The following AGGF1 variants were observed in gnomAD, a reference collection of about 807,000 sequenced individuals.
AGGF1 encodes angiogenic factor with G patch and FHA domains 1.
A neutral mutation model predicts 86.5 loss-of-function variants in AGGF1; 56 were observed. That is an observed-to-expected ratio of 0.65 (90% CI 0.52 to 0.81). AGGF1 has a LOEUF of 0.81. Among genes scored for constraint, AGGF1 ranks in the 30% least tolerant of loss-of-function variants. The probability of loss-of-function intolerance (pLI) is 0.00; values close to 1 mark genes in which losing one functional copy is unlikely to be tolerated. For missense variants in AGGF1, 816 were observed against 850.9 expected, an observed-to-expected ratio of 0.96 and a Z score of 0.51; for synonymous variants, 313 against 297.1, an observed-to-expected ratio of 1.05 and a Z score of -0.55.
intron 2 of AGGF1, among the ~76,000 whole-genome samples, chr5:77,034,934 A>G (rs1296793969): frequency 1.3e-5 from 2 of 152,212 alleles, no homozygotes; most frequent in African/African-American, 4.8e-5. Flanking sequence ...GAATGGCATT[A>G]TGTTATAAGG....
intron 3 of AGGF1, chr5:77,036,203 T>C: frequency 3.6e-6 from 1 of 275,504 alleles, no homozygotes; most frequent in Non-Finnish European, 6.9e-6. Context: ...TTCATTTGTC[T>C]TTTTGAAATT....
intron 5 of AGGF1, among the ~76,000 whole-genome samples, chr5:77,043,407 G>A (rs1216568337): frequency 1.5e-5 from 1 of 68,564 alleles, no homozygotes; most frequent in East Asian, 5.2e-4. Context: ...CGGGCAGAGG[G>A]GCTCCTCACT....
chr5:77,058,220 T>C (rs1042066924), intron 11 of AGGF1, among the ~76,000 whole-genome samples: 1 of 152,182 alleles, frequency 6.6e-6, no homozygotes, highest in Admixed American at 6.5e-5. Context: ...AATAAAGTTG[T>C]TTTTTAAAAA....
At chr5:77,060,338 A>C (rs1168186529) in intron 12 of AGGF1, among the ~76,000 whole-genome samples, 1 of 152,208 alleles carries the variant, frequency 6.6e-6, no homozygotes, top group Non-Finnish European at 1.5e-5. Flanking sequence ...TATATGCTAG[A>C]TATCTAGAAG....
In AGGF1 at chr5:77,053,994, T is replaced by C. The variant is rs747775456; in HGVS notation, c.1497T>C (p.Leu499=). The C allele has an allele frequency of 1.2e-6, 2 of 1,614,216 alleles. No individual in the cohort carries two copies. Among genetic ancestry groups the C allele is most frequent in the East Asian group, 2.2e-5 (1 of 44,876 alleles). ...QPKTKCDPYV[L]EHGDEVKIGE... is the part of the protein sequence containing the mutation. ...AAACTAAATGTGACCCTTACGTACT[T>C]GAGCATGGAGATGAAGTCAAAATTG... Residue 499 remains leucine, a synonymous_variant, in exon 10 of 14, where the codon CTT becomes CTC. Coordinates refer to ENST00000312916, the MANE Select transcript of AGGF1 (RefSeq NM_018046.5).
chr5:77,042,445 C>A (rs1234151747), intron 5 of AGGF1, among the ~76,000 whole-genome samples: 1 of 81,134 alleles, frequency 1.2e-5, no homozygotes, highest in South Asian at 3.6e-4. Flanking sequence ...GGGGGGCTGA[C>A]CCCCCCCACC....
chr5:77,046,603 C>G lies in AGGF1; in HGVS notation c.1127C>G (p.Ser376Cys). 2 of 1,614,000 alleles carry G rather than the reference C, an allele frequency of 1.2e-6. No homozygotes were observed. Among genetic ancestry groups the G allele is most frequent in the East Asian group, 2.2e-5 (1 of 44,872 alleles). Residue 376 changes from serine (S) to cysteine (C), a missense_variant, in exon 6 of 14, where the codon TCT (serine) becomes TGT (cysteine). Physicochemically the swap from Ser to Cys is moderately radical, Grantham distance 112. Transcript: ENST00000312916. ...SEPEEGEITDSQTEDSYDEAI... is the reference protein window; with the variant it reads ...SEPEEGEITDCQTEDSYDEAI... ...CCAGAGGAAGGTGAAATTACAGACTCTCAGACTGAGGATAGTTATGACGAA... is the reference window on the plus strand; with the variant it reads ...CCAGAGGAAGGTGAAATTACAGACTGTCAGACTGAGGATAGTTATGACGAA...
chr5:77,046,054 G>A (rs1364126463), intron 5 of AGGF1, among the ~76,000 whole-genome samples: 1 of 152,212 alleles, frequency 6.6e-6, no homozygotes, highest in Non-Finnish European at 1.5e-5. Context: ...ATTGAGAATA[G>A]AGAGACAGAT....
chr5:77,049,645 G>C (rs1201802079), intron 8 of AGGF1, among the ~76,000 whole-genome samples: 1 of 151,016 alleles, frequency 6.6e-6, no homozygotes, highest in Non-Finnish European at 1.5e-5. Flanking sequence ...ATCTTCCCGG[G>C]TTCAAGCAAT....
intron 11 of AGGF1, among the ~76,000 whole-genome samples, chr5:77,056,491 G>T (rs1401681720): frequency 6.6e-6 from 1 of 151,458 alleles, no homozygotes; most frequent in Non-Finnish European, 1.5e-5. Flanking sequence ...GCCTCCCAAA[G>T]TGCTGGGATT....
chr5:77,053,869 A>G, intron 9 of AGGF1, 96 bp from the exon 10 acceptor site: 1 of 1,237,870 alleles, frequency 8.1e-7, no homozygotes, highest in Non-Finnish European at 1.2e-6. Flanking sequence ...TTTTAAATAT[A>G]TTTTAAAAAT....
chr5:77,054,604 T>G (rs1463990087), intron 10 of AGGF1, among the ~76,000 whole-genome samples: 1 of 152,200 alleles, frequency 6.6e-6, no homozygotes, highest in African/African-American at 2.4e-5. Flanking sequence ...CAAAAAATGA[T>G]AAGTACATGA....
rs1742731242 is a variant in AGGF1, at chr5:77,063,939, C to T, written c.*687C>T. On this transcript the variant is annotated 3_prime_UTR_variant, in exon 14 of 14. Transcript: ENST00000312916. ...ACTGAATACATATTGAAATAGTGTG[C>T]TGGCTTTTGTAGTTTTGATAAAGAC... The T allele has an allele frequency of 1.3e-5, 2 of 152,534 alleles. No homozygotes were observed. The highest frequency in any genetic ancestry group is 4.8e-5 in the African/African-American group (2 of 41,404). The allele number at this position is 152,534 out of a possible 1,614,324, so 9.4% of individuals were successfully genotyped here.
intron 1 of AGGF1, among the ~76,000 whole-genome samples, chr5:77,032,382 A>G (rs1023309189): frequency 1.3e-5 from 2 of 151,694 alleles, no homozygotes; most frequent in African/African-American, 2.4e-5. Flanking sequence ...CCTGGCTAAC[A>G]CAGTAAAACC....
chr5:77,050,790 T>C (rs913666921), intron 8 of AGGF1, among the ~76,000 whole-genome samples: 3 of 152,316 alleles, frequency 2.0e-5, no homozygotes, highest in Middle Eastern at 3.4e-3. Flanking sequence ...TTATTTATTT[T>C]TGAAAAGTTC....
At chr5:77,050,838 G>T (rs538385835) in intron 8 of AGGF1, among the ~76,000 whole-genome samples, 86 of 152,252 alleles carry the variant, frequency 5.6e-4, no homozygotes, top group Non-Finnish European at 1.1e-3. Context: ...TGTGACACCA[G>T]TAGATAAATG....
rs778663450 is a variant in AGGF1, at chr5:77,030,958, C to G, written c.192C>G (p.Asn64Lys). The G allele has an allele frequency of 1.2e-6, 2 of 1,612,298 alleles. No individual in the cohort carries two copies. Among genetic ancestry groups the G allele is most frequent in the Non-Finnish European group, 1.7e-6 (2 of 1,179,986 alleles). Residue 64 changes from asparagine (N) to lysine (K), a missense_variant, in exon 1 of 14, where the codon AAC (asparagine) becomes AAG (lysine). Transcript: ENST00000312916. ...ERLYQNAESNNQELRTQVEEL... is the reference protein window; with the variant it reads ...ERLYQNAESNKQELRTQVEEL... ...TGTACCAGAACGCAGAAAGCAACAA[C>G]CAGGAGCTCCGCACGCAGGTGCGCG...
rs1286363946 is a variant in AGGF1 at position 77,030,514 on chromosome 5, T to C, written c.-253T>C. ...GTCTCTGTAGCTGGAGAAGGTAGTT[T>C]CCAGGAAAGTTTTCCGGTTTGCAGG... On this transcript the variant is annotated 5_prime_UTR_variant, in exon 1 of 14. Transcript: ENST00000312916. 1 of 674,616 alleles carries C rather than the reference T, an allele frequency of 1.5e-6. No homozygotes were observed. Among genetic ancestry groups the C allele is most frequent in the Middle Eastern group, 2.4e-4 (1 of 4,220 alleles). 41.8% of individuals were successfully genotyped at this position (674,616 alleles called of 1,614,324 possible). A position where few individuals can be genotyped will look rare whatever the true frequency, so the allele number is the denominator to read the frequency against.
intron 5 of AGGF1, among the ~76,000 whole-genome samples, chr5:77,045,865 C>T (rs553284668): frequency 6.6e-6 from 1 of 152,322 alleles, no homozygotes; most frequent in East Asian, 1.9e-4. Context: ...AAAATACACT[C>T]TGGATGTTGC....
Sources: allele counts gnomAD v4.1 joint callset (sites outside exome capture counted in the v4.1 genomes callset), GRCh38; gene constraint gnomAD v4.1.1; transcripts MANE v1.5; gene names NCBI Gene and HGNC (gene_info 2026-07-23, HGNC 2026-07-21).